The following VPS35L variants were observed in gnomAD, a reference collection of about 807,000 sequenced individuals.
VPS35L encodes the protein VPS35 endosomal protein-sorting factor-like.
A neutral mutation model predicts 133.0 loss-of-function variants in VPS35L; 83 were observed. That is an observed-to-expected ratio of 0.62 (90% CI 0.52 to 0.75). VPS35L has a LOEUF of 0.75. VPS35L is among the 30% of genes least tolerant of loss of function. The pLI, the probability that VPS35L is intolerant of heterozygous loss-of-function variation, is 0.00. For synonymous variants in VPS35L, 423 were observed against 449.9 expected, an observed-to-expected ratio of 0.94 and a Z score of 0.76; for missense variants, 1,083 against 1,206.8, an observed-to-expected ratio of 0.90 and a Z score of 1.52.
chr16:19,564,433 C>G (rs1005527973), intron 1 of VPS35L, among the ~76,000 whole-genome samples: 2 of 152,104 alleles, frequency 1.3e-5, no homozygotes, highest in African/African-American at 2.4e-5. Context: ...GAGTCTCGCT[C>G]TGTGGCCCAG....
At chr16:19,556,388 G>A (rs191648196) in intron 1 of VPS35L, among the ~76,000 whole-genome samples, 2 of 152,318 alleles carry the variant, frequency 1.3e-5, no homozygotes, top group East Asian at 3.9e-4. Flanking sequence ...GGTCTTGGAG[G>A]ATGAATAGGA....
chr16:19,579,052 G>A lies in VPS35L; in HGVS notation c.434G>A (p.Gly145Asp), dbSNP rs1484180810. The A allele has an allele frequency of 6.2e-6, 10 of 1,613,860 alleles. No homozygotes were observed. Among genetic ancestry groups the A allele is most frequent in the Non-Finnish European group, 8.5e-6 (10 of 1,179,992 alleles). Reference protein sequence around the residue: ...SINLFMGSEKGKAGTATLAMS... With the variant: ...SINLFMGSEKDKAGTATLAMS... ...TGTGACGTAAATTCATTCTGTTTAG[G>A]CAAAGCTGGGACTGCCACATTGGCA... The change falls in exon 6 of 31, where the codon GGC (glycine) becomes GAC (aspartate). Residue 145 changes from glycine to aspartate, a missense_variant and splice_region_variant. Physicochemically the swap from Gly to Asp is moderately conservative, Grantham distance 94 (BLOSUM62 -1). Coordinates refer to ENST00000417362, the MANE Select transcript of VPS35L (RefSeq NM_020314.7).
chr16:19,579,194 C>A (rs1971630394), intron 6 of VPS35L, 66 bp downstream of exon 6: 12 of 1,426,514 alleles, frequency 8.4e-6, no homozygotes, highest in South Asian at 1.2e-5. Flanking sequence ...CAAGTGAGAT[C>A]AACCTCGGTG....
chr16:19,653,110 T>C (rs1398273235), intron 26 of VPS35L, among the ~76,000 whole-genome samples: 2 of 152,192 alleles, frequency 1.3e-5, no homozygotes, highest in African/African-American at 4.8e-5. Flanking sequence ...GACAGGTGAT[T>C]TTCCCTTTAT....
At chr16:19,627,914 G>A in intron 16 of VPS35L, 109 bp downstream of exon 16, 1 of 844,556 alleles carries the variant, frequency 1.2e-6, no homozygotes, top group Non-Finnish European at 2.0e-6. Context: ...AGGAACACAG[G>A]CGAAGGCTCT....
chr16:19,647,903 G>A (rs1315327770), intron 24 of VPS35L, 21 bp downstream of exon 24: 1 of 1,551,894 alleles, frequency 6.4e-7, no homozygotes, highest in African/African-American at 1.4e-5. Flanking sequence ...TCATTCATTA[G>A]TTTCTTCTCT....
intron 15 of VPS35L, 88 bp from the exon 16 acceptor site, chr16:19,627,606 G>T: frequency 9.5e-7 from 1 of 1,051,704 alleles, no homozygotes; most frequent in Non-Finnish European, 1.5e-6. Context: ...AGAGCTGTTA[G>T]TCTTCCTTCC....
chr16:19,581,267 G>T (rs544602989), intron 6 of VPS35L, among the ~76,000 whole-genome samples: 1 of 152,236 alleles, frequency 6.6e-6, no homozygotes, highest in African/African-American at 2.4e-5. Flanking sequence ...CAGCTACTTG[G>T]TGTCCAAGCT....
At chr16:19,584,498 G>T (rs1971803343) in intron 7 of VPS35L, among the ~76,000 whole-genome samples, 1 of 151,780 alleles carries the variant, frequency 6.6e-6, no homozygotes, top group Non-Finnish European at 1.5e-5. Context: ...ATGGTGGCAG[G>T]TGCCTGTAAT....
Position 19,658,435 on chromosome 16 carries a change from C to T in VPS35L, c.2221+6345C>T, listed in dbSNP as rs544324739. On this transcript the variant is annotated intron_variant, in intron 26 of 30. Transcript: ENST00000417362. ...ATCCCAGCTACTTGGGAGGCTGAGG[C>T]AGGAGAATCGCTTGAGCCTGGAGGG... is the stretch of plus-strand genomic sequence containing the variant. Among the ~76,000 whole-genome samples the T allele has an allele frequency of 5.3e-5, 8 of 152,210 alleles. No homozygotes were observed. The South Asian group carries it at 8.3e-4, about 16-fold the overall frequency.
intron 8 of VPS35L, among the ~76,000 whole-genome samples, chr16:19,597,050 C>A (rs1468927590): frequency 6.7e-6 from 1 of 149,272 alleles, no homozygotes; most frequent in Non-Finnish European, 1.5e-5. Context: ...ACAACAACAA[C>A]AAAACAACAA....
At chr16:19,559,700 T>A (rs1195152459) in intron 1 of VPS35L, among the ~76,000 whole-genome samples, 1 of 152,128 alleles carries the variant, frequency 6.6e-6, no homozygotes, top group African/African-American at 2.4e-5. Flanking sequence ...TTTTAAGATT[T>A]ATTTCCACAA....
intron 1 of VPS35L, among the ~76,000 whole-genome samples, chr16:19,558,879 C>T (rs942623693): frequency 6.0e-5 from 9 of 149,536 alleles, no homozygotes; most frequent in African/African-American, 2.0e-4. Context: ...GCTGAGATCG[C>T]GCCACTGCAC....
At chr16:19,677,557 G>A (rs73539569) in intron 27 of VPS35L, among the ~76,000 whole-genome samples, 1,725 of 152,266 alleles carry the variant, frequency 0.011, 26 homozygotes, top group African/African-American at 0.039. Context: ...CTGGGCCGAG[G>A]ACACAGCGTG....
intron 2 of VPS35L, among the ~76,000 whole-genome samples, chr16:19,567,689 G>A (rs1971230522): frequency 1.3e-5 from 2 of 152,022 alleles, no homozygotes; most frequent in East Asian, 3.9e-4. Context: ...GACAGCCCTG[G>A]CCCAGTATGG....
At chr16:19,666,975 C>CTTTCTTTCTTTTCTTT (rs1974709866) in intron 26 of VPS35L, among the ~76,000 whole-genome samples, 18 of 76,716 alleles carry the variant, frequency 2.3e-4, no homozygotes, top group African/African-American at 6.6e-4. Flanking sequence ...TTCCTTTCTT[C>CTTTCTTTCTTTTCTTT]CTTTCTTTCT....
rs561897457 is a variant in VPS35L, at chr16:19,667,734, GAAAA to G, written c.2222-1412_2222-1409del. Among the ~76,000 whole-genome samples the G allele has an allele frequency of 3.0e-3, 336 of 113,768 alleles. 1 individual carries two copies. The highest frequency in any genetic ancestry group is 9.5e-3 in the African/African-American group (307 of 32,168). 74.6% of individuals were successfully genotyped at this position (113,768 alleles called of 152,430 possible). ...GTGCGACAGAGCAAGACCCTGTCTGGAAAAAAAAAAAAAAAAACCAGAAAAAAAA... is the reference window on the plus strand; with the variant it reads ...GTGCGACAGAGCAAGACCCTGTCTGGAAAAAAAAAAAAACCAGAAAAAAAA... On this transcript the variant is annotated intron_variant, in intron 26 of 30. Transcript: ENST00000417362.
At chr16:19,613,362 C>A (rs1459315177) in intron 12 of VPS35L, among the ~76,000 whole-genome samples, 1 of 151,984 alleles carries the variant, frequency 6.6e-6, no homozygotes, top group African/African-American at 2.4e-5. Flanking sequence ...TTCCAAGTGG[C>A]AAAACCCAGT....
chr16:19,659,191 A>G (rs1395251938), intron 26 of VPS35L, among the ~76,000 whole-genome samples: 2 of 152,220 alleles, frequency 1.3e-5, no homozygotes, highest in Non-Finnish European at 2.9e-5. Flanking sequence ...ATCTAAGCCT[A>G]CTTTTCACAG....
Sources: allele counts gnomAD v4.1 joint callset (sites outside exome capture counted in the v4.1 genomes callset), GRCh38; gene constraint gnomAD v4.1.1; transcripts MANE v1.5; gene names NCBI Gene and HGNC (gene_info 2026-07-23, HGNC 2026-07-21).